DNAAF4: variants seen among roughly 807,000 people sequenced by gnomAD.
DNAAF4 encodes the protein dynein assembly factor 4, axonemal.
DNAAF4 carries 43 observed loss-of-function variants against 51.8 expected under a neutral mutation model. The ratio of observed to expected loss-of-function variants is 0.83; its 90% CI spans 0.65 to 1.07. DNAAF4 has a LOEUF of 1.07. Among genes scored for constraint, DNAAF4 ranks in the 50% least tolerant of loss-of-function variants. DNAAF4 has a pLI of 0.00. For synonymous variants in DNAAF4, 194 were observed against 165.6 expected, an observed-to-expected ratio of 1.17 and a Z score of -1.32; for missense variants, 581 against 493.0, an observed-to-expected ratio of 1.18 and a Z score of -1.69.
At chr15:55,438,639 G>A (rs117999165) in intron 7 of DNAAF4, among the ~76,000 whole-genome samples, 5,540 of 151,914 alleles carry the variant, frequency 0.036, 106 homozygotes, top group African/African-American at 0.05. Flanking sequence ...AAAAAAATTC[G>A]CCAGGTGTGG....
chr15:55,442,044 G>A (rs1451952001), intron 6 of DNAAF4, among the ~76,000 whole-genome samples: 6 of 152,144 alleles, frequency 3.9e-5, no homozygotes, highest in African/African-American at 1.4e-4. Context: ...AAGTTTGCAG[G>A]AAAAGTTTCA....
At chr15:55,462,463 T>C (rs2058106913) in intron 5 of DNAAF4, among the ~76,000 whole-genome samples, 1 of 152,094 alleles carries the variant, frequency 6.6e-6, no homozygotes, top group African/African-American at 2.4e-5. Context: ...AGGCTGGGAT[T>C]ACAGGTATGA....
chr15:55,498,593 GAA>G lies in DNAAF4; in HGVS notation c.-255-11_-255-10del, dbSNP rs3049057. 0.038 allele frequency: 2,843 copies of G among 74,608 alleles called. 56 individuals are homozygous for G. The highest frequency in any genetic ancestry group is 0.053 in the Non-Finnish European group (2,267 of 42,396). The allele number at this position is 74,608 out of a possible 1,614,324, so 4.6% of individuals were successfully genotyped here. A position where few individuals can be genotyped will look rare whatever the true frequency, so the allele number is the denominator to read the frequency against. ...AAGTAGACCCATACCCTCTGCTTGA[GAA>G]AAAAAAAAAAAAAAAAAAGCACTCT... On this transcript the variant is annotated splice_polypyrimidine_tract_variant and intron_variant, in intron 1 of 9. Coordinates refer to ENST00000321149, the MANE Select transcript of DNAAF4 (RefSeq NM_130810.4).
At chr15:55,455,387 A>ATAT (rs2058003168) in intron 5 of DNAAF4, among the ~76,000 whole-genome samples, 1 of 127,374 alleles carries the variant, frequency 7.9e-6, no homozygotes, top group Admixed American at 8.1e-5. Flanking sequence ...TAGCAAATTG[A>ATAT]ATATATATAT....
chr15:55,493,395 A>G (rs910519773), intron 3 of DNAAF4, among the ~76,000 whole-genome samples: 5 of 152,248 alleles, frequency 3.3e-5, no homozygotes, highest in Admixed American at 6.5e-5. Flanking sequence ...ATCTTGGCTA[A>G]GAACTAGTAC....
At chr15:55,503,065 A>G (rs1417982798) in intron 1 of DNAAF4, among the ~76,000 whole-genome samples, 2 of 152,206 alleles carry the variant, frequency 1.3e-5, no homozygotes, top group Non-Finnish European at 2.9e-5. Context: ...AGAATCAAAT[A>G]GACGCAATAA....
chr15:55,455,714 T>C (rs928307290), intron 5 of DNAAF4, among the ~76,000 whole-genome samples: 4 of 152,010 alleles, frequency 2.6e-5, no homozygotes, highest in Non-Finnish European at 2.9e-5. Flanking sequence ...TTATAGGCGT[T>C]AGCCACCATG....
At chr15:55,458,373 C>T (rs1192845634) in intron 5 of DNAAF4, among the ~76,000 whole-genome samples, 1 of 151,984 alleles carries the variant, frequency 6.6e-6, no homozygotes, top group Non-Finnish European at 1.5e-5. Context: ...ATGAAAGACA[C>T]ACTTAAAGAA....
Position 55,430,789 on chromosome 15 carries a change from T to C in DNAAF4, c.1154-10A>G, listed in dbSNP as rs2057479993. ...TCATAATCCTGTAGGCCTGTGTTTA[T>C]ATAGCAATGATGATTAATACAATAA... On this transcript the variant is annotated splice_polypyrimidine_tract_variant and intron_variant, in intron 9 of 9. Transcript: ENST00000321149. 1.9e-6 allele frequency: 3 copies of C among 1,584,740 alleles called. No homozygotes were observed. Among genetic ancestry groups the C allele is most frequent in the African/African-American group, 2.7e-5 (2 of 74,218 alleles).
chr15:55,432,436 TC>T, intron 9 of DNAAF4, 60 bp downstream of exon 9: 1 of 1,365,106 alleles, frequency 7.3e-7, no homozygotes, highest in Non-Finnish European at 1.0e-6. Flanking sequence ...CTTAAATAAT[TC>T]CAATGACATT....
At chr15:55,472,150 T>C (rs1001321969) in intron 4 of DNAAF4, among the ~76,000 whole-genome samples, 1 of 152,142 alleles carries the variant, frequency 6.6e-6, no homozygotes, top group African/African-American at 2.4e-5. Context: ...CTTAAAGATA[T>C]TTTAAATAAA....
intron 4 of DNAAF4, among the ~76,000 whole-genome samples, chr15:55,472,129 C>G (rs960756965): frequency 1.3e-5 from 2 of 152,270 alleles, no homozygotes; most frequent in African/African-American, 4.8e-5. Flanking sequence ...CGTGAGCCAC[C>G]GTGCCCAGCT....
In DNAAF4 at chr15:55,430,514, A is replaced by T. The variant is rs2057476158; in HGVS notation, c.*156T>A. On this transcript the variant is annotated 3_prime_UTR_variant, in exon 10 of 10. Transcript: ENST00000321149. The stretch of plus-strand genomic sequence containing the variant: ...CTTATTCAGAAATGATTCAAGTCAA[A>T]CAGTTTATTTTCTATAGATTTATAA... 8.2e-7 allele frequency: 1 copy of T among 1,224,446 alleles called. No individual in the cohort carries two copies. Among genetic ancestry groups the T allele is most frequent in the South Asian group, 2.4e-5 (1 of 41,422 alleles). The allele number at this position is 1,224,446 out of a possible 1,614,324, so 75.8% of individuals were successfully genotyped here. A position where few individuals can be genotyped will look rare whatever the true frequency, so the allele number is the denominator to read the frequency against.
At chr15:55,477,649 C>CGT (rs551319627) in intron 4 of DNAAF4, among the ~76,000 whole-genome samples, 1,733 of 85,448 alleles carry the variant, frequency 0.02, 25 homozygotes, top group African/African-American at 0.07. Context: ...TGTATGTATG[C>CGT]GTGTGTGTGT....
At chr15:55,475,044 G>A (rs1203618549) in intron 4 of DNAAF4, among the ~76,000 whole-genome samples, 2 of 152,128 alleles carry the variant, frequency 1.3e-5, no homozygotes, top group African/African-American at 4.8e-5. Flanking sequence ...TAATTTTGCT[G>A]AGAGATGTAA....
In DNAAF4 at chr15:55,434,982, G is replaced by A. The variant is rs1471545444; in HGVS notation, c.970C>T (p.Pro324Ser). The change falls in exon 8 of 10, where the codon CCA becomes TCA. Residue 324 changes from proline to serine, a missense_variant. Transcript: ENST00000321149. ...GCAGCCCGGTTCAAATACAATAGTG[G>A]CATCTTATTATTTAGTCTTATGGCT... ...NLAIRLNNKM[P>S]LLYLNRAACH... is the part of the protein sequence containing the mutation. The A allele has an allele frequency of 1.2e-6, 2 of 1,612,986 alleles. No individual in the cohort carries two copies. Among genetic ancestry groups the A allele is most frequent in the East Asian group, 4.5e-5 (2 of 44,824 alleles).
At chr15:55,435,891 C>T (rs954019124) in intron 7 of DNAAF4, among the ~76,000 whole-genome samples, 1 of 152,032 alleles carries the variant, frequency 6.6e-6, no homozygotes, top group Admixed American at 6.6e-5. Flanking sequence ...CAGGTTCAAA[C>T]GATTCTCCTG....
intron 1 of DNAAF4, among the ~76,000 whole-genome samples, chr15:55,500,188 A>C (rs2058688216): frequency 6.6e-6 from 1 of 152,190 alleles, no homozygotes. Context: ...TCATTGAGGA[A>C]AGATAAGGAG....
At chr15:55,496,285 C>T (rs1312747009) in intron 3 of DNAAF4, among the ~76,000 whole-genome samples, 1 of 152,154 alleles carries the variant, frequency 6.6e-6, no homozygotes, top group Non-Finnish European at 1.5e-5. Context: ...CATTATAATT[C>T]CTGGAAAGCT....
Sources: allele counts gnomAD v4.1 joint callset (sites outside exome capture counted in the v4.1 genomes callset), GRCh38; gene constraint gnomAD v4.1.1; transcripts MANE v1.5; gene names NCBI Gene and HGNC (gene_info 2026-07-23, HGNC 2026-07-21).